AKAP13: variants seen among roughly 807,000 people sequenced by gnomAD.
AKAP13 encodes A-kinase anchoring protein 13, also known as A-kinase anchor protein 13.
In AKAP13, 80 loss-of-function variants were observed where a neutral mutation model predicts 264.5. The observed-to-expected ratio is 0.30, with a 90% CI of 0.25 to 0.36. The LOEUF (loss-of-function observed/expected upper bound fraction) is 0.36, where lower values mean the gene tolerates loss of function less well. Among genes scored for constraint, AKAP13 ranks in the 10% least tolerant of loss-of-function variants. The probability of loss-of-function intolerance (pLI) is 1.00; values close to 1 mark genes in which losing one functional copy is unlikely to be tolerated. For synonymous variants in AKAP13, 1,380 were observed against 1,250.2 expected (o/e 1.10, Z -2.19); for missense variants, 3,712 against 3,435.2 (o/e 1.08, Z -2.01).
intron 26 of AKAP13, among the ~76,000 whole-genome samples, chr15:85,725,755 A>G (rs1216175708): frequency 6.6e-6 from 1 of 152,214 alleles, no homozygotes; most frequent in African/African-American, 2.4e-5. Context: ...ACTAGTGGAA[A>G]ATGTTACTAC....
intron 5 of AKAP13, among the ~76,000 whole-genome samples, chr15:85,558,030 CA>C (rs2078215018): frequency 6.6e-6 from 1 of 152,132 alleles, no homozygotes; most frequent in Admixed American, 6.5e-5. Flanking sequence ...TCTCTTCTGC[CA>C]GTAGTTTTTC....
At chr15:85,467,369 T>G (rs1425827584) in intron 1 of AKAP13, among the ~76,000 whole-genome samples, 1 of 152,162 alleles carries the variant, frequency 6.6e-6, no homozygotes, top group Non-Finnish European at 1.5e-5. Context: ...ACCTTTCCGC[T>G]TCACAGCATC....
chr15:85,568,830 T>C (rs750620626), intron 5 of AKAP13, among the ~76,000 whole-genome samples: 1 of 152,238 alleles, frequency 6.6e-6, no homozygotes, highest in Non-Finnish European at 1.5e-5. Context: ...ACAGAGCTTT[T>C]GAGCAAAAGA....
intron 13 of AKAP13, among the ~76,000 whole-genome samples, chr15:85,666,901 G>C (rs1422083262): frequency 6.6e-6 from 1 of 152,178 alleles, no homozygotes; most frequent in Non-Finnish European, 1.5e-5. Flanking sequence ...CTTTTGAGTT[G>C]AGAATTCAAA....
intron 12 of AKAP13, among the ~76,000 whole-genome samples, chr15:85,660,743 G>A (rs984611436): frequency 6.6e-6 from 1 of 152,132 alleles, no homozygotes; most frequent in Non-Finnish European, 1.5e-5. Flanking sequence ...CCAGACCAGC[G>A]AAGTGTCTCC....
intron 17 of AKAP13, among the ~76,000 whole-genome samples, chr15:85,704,766 A>C (rs2086134781): frequency 6.6e-6 from 1 of 152,246 alleles, no homozygotes; most frequent in Non-Finnish European, 1.5e-5. Context: ...GGTTTGTGGC[A>C]GAGAGCTTAA....
chr15:85,440,170 GTC>G (rs1485090849), intron 1 of AKAP13, among the ~76,000 whole-genome samples: 1 of 152,098 alleles, frequency 6.6e-6, no homozygotes, highest in Non-Finnish European at 1.5e-5. Flanking sequence ...CAGTCAGAAT[GTC>G]TCTGCCCTTC....
intron 8 of AKAP13, among the ~76,000 whole-genome samples, chr15:85,600,093 G>T (rs568053625): frequency 6.6e-6 from 1 of 152,090 alleles, no homozygotes; most frequent in Non-Finnish European, 1.5e-5. Flanking sequence ...TAGCAAAAAG[G>T]ACAGAGAAGG....
intron 8 of AKAP13, among the ~76,000 whole-genome samples, chr15:85,629,932 A>G (rs1164943513): frequency 1.3e-5 from 2 of 150,888 alleles, no homozygotes; most frequent in Non-Finnish European, 3.0e-5. Context: ...GGCGCCCACA[A>G]CCATGTCCAG....
intron 30 of AKAP13, among the ~76,000 whole-genome samples, chr15:85,731,301 C>T (rs775458014): frequency 1.3e-5 from 2 of 152,224 alleles, no homozygotes; most frequent in South Asian, 2.1e-4. Context: ...CCACTGCACC[C>T]GGCCATTAAT....
In AKAP13 at chr15:85,664,551, C is replaced by T. The variant is rs768678558; in HGVS notation, c.4800-12C>T. 9 of 1,587,740 alleles carry T rather than the reference C, an allele frequency of 5.7e-6. No homozygotes were observed. In the East Asian group the frequency reaches 9.0e-5, roughly 16 times the overall value. ...GAAATAGAATGAATTAACTTTTGTG[C>T]CCTATGTTCAGTTTCAGTCTAGAAG... On this transcript the variant is annotated splice_polypyrimidine_tract_variant and intron_variant, in intron 12 of 36. Coordinates refer to ENST00000394518, the MANE Select transcript of AKAP13 (RefSeq NM_007200.5).
Position 85,581,969 on chromosome 15 carries a change from A to T in AKAP13, c.3901A>T (p.Ser1301Cys). The T allele has an allele frequency of 1.9e-6, 3 of 1,614,142 alleles. No homozygotes were observed. Among genetic ancestry groups the T allele is most frequent in the Non-Finnish European group, 2.5e-6 (3 of 1,180,020 alleles). The change falls in exon 7 of 37, where the codon AGT (serine) becomes TGT (cysteine). Residue 1301 changes from serine to cysteine, a missense_variant. Ser to Cys is a moderately radical substitution (Grantham distance 112). This residue lies in a region of AKAP13 where 2,759 missense variants were observed against 2,411.7 expected (regional missense o/e 1.14). Coordinates refer to ENST00000394518, the MANE Select transcript of AKAP13 (RefSeq NM_007200.5). Reference protein sequence around the residue: ...GLESAFTEKVSTFPPGESLPM... With the variant: ...GLESAFTEKVCTFPPGESLPM... The stretch of plus-strand genomic sequence containing the variant: ...AGAGAGTGCTTTTACAGAAAAAGTG[A>T]GTACTTTCCCACCTGGGGAGAGCCT...
chr15:85,591,364 C>T (rs1489936235), intron 8 of AKAP13, among the ~76,000 whole-genome samples: 1 of 152,114 alleles, frequency 6.6e-6, no homozygotes, highest in Admixed American at 6.6e-5. Flanking sequence ...ATTCTAAAGC[C>T]ATTGCATTAT....
chr15:85,488,874 T>A (rs2075647523), intron 2 of AKAP13, among the ~76,000 whole-genome samples: 1 of 152,234 alleles, frequency 6.6e-6, no homozygotes, highest in South Asian at 2.1e-4. Context: ...GATAATAAAT[T>A]TATGTTGTCT....
In AKAP13 at chr15:85,616,049, T is replaced by C. The variant is rs2080921892; in HGVS notation, c.4162-23325T>C. The stretch of plus-strand genomic sequence containing the variant: ...ATCATTGATGAGTCATTAACCAGTG[T>C]CCATTCACATGCTGCTACTTTATGT... On this transcript the variant is annotated intron_variant, in intron 8 of 36. Transcript: ENST00000394518. 1.3e-5 allele frequency among the ~76,000 whole-genome samples: 2 copies of C among 152,204 alleles called. 1 individual carries two copies. The highest frequency in any genetic ancestry group is 4.1e-4 in the South Asian group (2 of 4,830).
At chr15:85,513,747 C>A (rs889739705) in intron 2 of AKAP13, among the ~76,000 whole-genome samples, 1 of 152,214 alleles carries the variant, frequency 6.6e-6, no homozygotes, top group South Asian at 2.1e-4. Flanking sequence ...TAATGTGGAA[C>A]ACGTCCACAC....
At chr15:85,408,543 A>C (rs755702480) in intron 1 of AKAP13, among the ~76,000 whole-genome samples, 1 of 151,770 alleles carries the variant, frequency 6.6e-6, no homozygotes, top group Non-Finnish European at 1.5e-5. Flanking sequence ...GGATTTGACT[A>C]TTCTGGGTAC....
At chr15:85,743,988 GC>G in intron 36 of AKAP13, 163 bp downstream of exon 36, 1 of 792,274 alleles carries the variant, frequency 1.3e-6, no homozygotes, top group Non-Finnish European at 1.9e-6. Context: ...GAGCACTCAT[GC>G]AGCGAACATT....
chr15:85,508,709 G>T (rs1345883890), intron 2 of AKAP13, among the ~76,000 whole-genome samples: 1 of 151,210 alleles, frequency 6.6e-6, no homozygotes, highest in African/African-American at 2.4e-5. Flanking sequence ...AAAAGAAAAA[G>T]AAAAAGAAAA....
Sources: gnomAD v4.1 joint callset for allele counts (sites outside exome capture counted in the v4.1 genomes callset) on GRCh38, gnomAD v4.1.1 for gene constraint, gnomAD v4.1.1 regional missense constraint, MANE v1.5 for transcripts, NCBI Gene and HGNC (gene_info 2026-07-23, HGNC 2026-07-21) for gene names.